Variants in PCDH15 observed in about 807,000 individuals in gnomAD.
PCDH15 encodes protocadherin-15.
In PCDH15, 129 loss-of-function variants were observed where a neutral mutation model predicts 178.5. The ratio of observed to expected loss-of-function variants is 0.72; its 90% CI spans 0.63 to 0.84. The LOEUF (loss-of-function observed/expected upper bound fraction) is 0.84. Ranked by LOEUF, PCDH15 falls within the 40% of genes least tolerant of loss-of-function variation. The probability of loss-of-function intolerance (pLI) is 0.00; values close to 1 mark genes in which losing one functional copy is unlikely to be tolerated. For missense variants in PCDH15, 2,230 were observed against 2,099.9 expected, an observed-to-expected ratio of 1.06 and a Z score of -1.21; for synonymous variants, 800 against 732.0, an observed-to-expected ratio of 1.09 and a Z score of -1.50.
intron 32 of PCDH15, chr10:53,823,485 C>G: frequency 1.1e-6 from 1 of 902,982 alleles, no homozygotes; most frequent in East Asian, 2.4e-5. Flanking sequence ...ACAACACTAA[C>G]CTACTAAAGC....
intron 1 of PCDH15, among the ~76,000 whole-genome samples, chr10:54,668,990 G>T (rs936081891): frequency 6.6e-6 from 1 of 152,092 alleles, no homozygotes; most frequent in Non-Finnish European, 1.5e-5. Flanking sequence ...TGTATTCCTT[G>T]TGAGAAACGT....
chr10:55,626,957 A>T (rs893155241), intron 2 of PCDH15, among the ~76,000 whole-genome samples: 4 of 152,116 alleles, frequency 2.6e-5, no homozygotes, highest in African/African-American at 9.7e-5. Flanking sequence ...AAAGAAAATG[A>T]GAGAGAGAGA....
intron 3 of PCDH15, among the ~76,000 whole-genome samples, chr10:54,856,145 A>G (rs527420811): frequency 1.5e-4 from 23 of 152,332 alleles, no homozygotes; most frequent in African/African-American, 5.5e-4. Context: ...TTTATCAACT[A>G]TCTGCTTATT....
chr10:53,862,304 G>T (rs2079156076), intron 27 of PCDH15, among the ~76,000 whole-genome samples: 1 of 152,054 alleles, frequency 6.6e-6, no homozygotes, highest in Admixed American at 6.6e-5. Context: ...GCCTGCCTGA[G>T]CCTCCCAAAG....
intron 2 of PCDH15, among the ~76,000 whole-genome samples, chr10:55,011,070 G>A (rs1257732598): frequency 6.6e-6 from 1 of 151,674 alleles, no homozygotes; most frequent in Non-Finnish European, 1.5e-5. Flanking sequence ...AATATATCAA[G>A]AGAGTAAACA....
intron 2 of PCDH15, among the ~76,000 whole-genome samples, chr10:55,093,727 C>T (rs957696872): frequency 1.3e-5 from 2 of 151,990 alleles, no homozygotes; most frequent in African/African-American, 4.8e-5. Flanking sequence ...AAAAAGTGGG[C>T]AAAGGATATG....
chr10:54,189,918 C>T (rs1393084109), intron 11 of PCDH15, among the ~76,000 whole-genome samples: 1 of 81,968 alleles, frequency 1.2e-5, no homozygotes, highest in Non-Finnish European at 2.2e-5. Flanking sequence ...TGTATACATG[C>T]ATGTGTATGT....
In PCDH15 at chr10:54,493,071, C is replaced by A. The variant is rs898558787; in HGVS notation, c.157+34741G>T. ...TTATTCACTGTCACTAGAACAGCAC[C>A]AGAAAGACTTGCCCTCATGATTCAA... On this transcript the variant is annotated intron_variant, in intron 3 of 37. Transcript: ENST00000644397. Among the ~76,000 whole-genome samples the A allele has an allele frequency of 2.0e-5, 3 of 152,208 alleles. No individual in the cohort carries two copies. In the East Asian group the frequency reaches 5.8e-4, roughly 29 times the overall value.
intron 18 of PCDH15, among the ~76,000 whole-genome samples, chr10:54,060,693 T>A (rs972977780): frequency 6.6e-6 from 1 of 152,208 alleles, no homozygotes; most frequent in South Asian, 2.1e-4. Flanking sequence ...CAGGTAGTTT[T>A]ATTCCATGGC....
intron 2 of PCDH15, among the ~76,000 whole-genome samples, chr10:55,624,301 C>T (rs544988990): frequency 6.6e-6 from 1 of 151,712 alleles, no homozygotes; most frequent in Non-Finnish European, 1.5e-5. Context: ...ATTATTAGAG[C>T]TTCAATAAAA....
At chr10:53,900,434 T>G (rs191137738) in intron 26 of PCDH15, among the ~76,000 whole-genome samples, 29 of 152,242 alleles carry the variant, frequency 1.9e-4, no homozygotes, top group African/African-American at 6.5e-4. Flanking sequence ...CACTGTATAC[T>G]TCATCTGAAG....
At chr10:55,136,075 CA>C (rs946908594) in intron 2 of PCDH15, among the ~76,000 whole-genome samples, 1 of 152,038 alleles carries the variant, frequency 6.6e-6, no homozygotes, top group African/African-American at 2.4e-5. Flanking sequence ...ACATTTGTAA[CA>C]ACTATAGAGC....
At position 53,827,481 on chromosome 10, in the gene PCDH15, G is replaced by T; in HGVS notation, c.4279C>A (p.Pro1427Thr). 6.2e-7 allele frequency: 1 copy of T among 1,614,080 alleles called. No homozygotes were observed. The highest frequency in any genetic ancestry group is 1.1e-5 in the South Asian group (1 of 91,090). The part of the protein sequence containing the change: ...AALPAAKPAV[P>T]APAPVAAPPP... ...GGCGCTGCCACTGGTGCAGGAGCCG[G>T]CACTGCTGGTTTAGCCGCGGGTAAT... The change falls in exon 32 of 38, where the codon CCG becomes ACG. Residue 1427 changes from proline to threonine, a missense_variant. By Grantham distance (38) the Pro-to-Thr change is conservative. Transcript: ENST00000644397.
At position 54,219,113 on chromosome 10, in the gene PCDH15, AAAAAAC is replaced by A. The variant is rs1564710812; in HGVS notation, c.986-5071_986-5066del. 9.3e-3 allele frequency among the ~76,000 whole-genome samples: 1,385 copies of A among 148,998 alleles called. 25 individuals carry two copies. The highest frequency in any genetic ancestry group is 0.03 in the African/African-American group (1,196 of 40,472). On this transcript the variant is annotated intron_variant, in intron 9 of 37. Coordinates refer to ENST00000644397, the MANE Select transcript of PCDH15 (RefSeq NM_001384140.1). The stretch of plus-strand genomic sequence containing the variant: ...CTAAAAAAAAAAAAAAAAAACAAAA[AAAAAAC>A]AAAAAATTAGCCGGGCGTGGTGGTG...
chr10:54,972,815 C>A (rs555312784), intron 2 of PCDH15, among the ~76,000 whole-genome samples: 1 of 137,946 alleles, frequency 7.2e-6, no homozygotes. Context: ...CGCCACTGCA[C>A]TCCAGCCTAG....
chr10:55,271,169 A>G (rs1204245724), intron 1 of PCDH15, among the ~76,000 whole-genome samples: 1 of 151,912 alleles, frequency 6.6e-6, no homozygotes, highest in African/African-American at 2.4e-5. Flanking sequence ...GGGGTGAAAA[A>G]CTTCCTGTTG....
rs760724359 is a variant in PCDH15 at position 53,866,695 on chromosome 10, C to T, written c.3664G>A (p.Val1222Ile). 6.2e-7 allele frequency: 1 copy of T among 1,613,484 alleles called. No individual in the cohort carries two copies. Among genetic ancestry groups the T allele is most frequent in the African/African-American group, 1.3e-5 (1 of 74,872 alleles). The change falls in exon 27 of 38, where the codon GTT becomes ATT. Residue 1222 changes from valine (V) to isoleucine (I), a missense_variant. Coordinates refer to ENST00000644397, the MANE Select transcript of PCDH15 (RefSeq NM_001384140.1). ...NMRRSYFKFQVIATDDYGKGL... is the reference protein window; with the variant it reads ...NMRRSYFKFQIIATDDYGKGL... Reference sequence around the variant, plus strand: ...TTCCCATAGTCGTCAGTTGCAATAACTTGAAACTTGAAGTAGGATCTCCTC... The same window carrying T: ...TTCCCATAGTCGTCAGTTGCAATAATTTGAAACTTGAAGTAGGATCTCCTC...
chr10:54,832,989 T>G (rs557202278), intron 3 of PCDH15, among the ~76,000 whole-genome samples: 12 of 152,302 alleles, frequency 7.9e-5, no homozygotes, highest in Non-Finnish European at 1.6e-4. Flanking sequence ...TAAGTGGCAG[T>G]TCTATATTTA....
chr10:54,042,210 G>T (rs1220219161), intron 18 of PCDH15, among the ~76,000 whole-genome samples: 1 of 151,936 alleles, frequency 6.6e-6, no homozygotes, highest in Non-Finnish European at 1.5e-5. Context: ...TTAAGTTTTA[G>T]GGAATCCTAT....
Sources: gnomAD v4.1 joint callset for allele counts (sites outside exome capture counted in the v4.1 genomes callset) on GRCh38, gnomAD v4.1.1 for gene constraint, MANE v1.5 for transcripts, NCBI Gene and HGNC (gene_info 2026-07-23, HGNC 2026-07-21) for gene names.